The following IL1RAPL2 variants were observed in gnomAD, a reference collection of about 807,000 sequenced individuals.
IL1RAPL2 encodes the protein interleukin 1 receptor accessory protein like 2, also known as X-linked interleukin-1 receptor accessory protein-like 2.
A neutral mutation model predicts 44.1 loss-of-function variants in IL1RAPL2; 3 were observed. That is an observed-to-expected ratio of 0.07 (90% CI 0.03 to 0.18). The LOEUF is 0.18. Ranked by LOEUF, IL1RAPL2 falls within the 10% of genes least tolerant of loss-of-function variation. The pLI is 1.00. For missense variants in IL1RAPL2, 391 were observed against 496.4 expected (o/e 0.79, Z 2.02); for synonymous variants, 181 against 178.8 (o/e 1.01, Z -0.10).
intron 2 of IL1RAPL2, among the ~76,000 whole-genome samples, chrX:105,079,951 G>A (rs1392193891): frequency 8.9e-6 from 1 of 112,240 alleles, no homozygotes; most frequent in Non-Finnish European, 1.9e-5. Flanking sequence ...CTAATGACCA[G>A]TGATGATGAG....
chrX:104,661,261 A>G (rs1318705317), intron 2 of IL1RAPL2, among the ~76,000 whole-genome samples: 2 of 111,520 alleles, frequency 1.8e-5, no homozygotes, highest in African/African-American at 3.3e-5. Context: ...TGCCAGGACA[A>G]TAGCAATTGT....
At chrX:105,129,938 A>T (rs1229818643) in intron 2 of IL1RAPL2, among the ~76,000 whole-genome samples, 2 of 111,126 alleles carry the variant, frequency 1.8e-5, no homozygotes, top group East Asian at 5.7e-4. Flanking sequence ...TATTCAGCTT[A>T]ATCTTTCAAC....
At chrX:104,644,724 G>C (rs945424136) in intron 1 of IL1RAPL2, among the ~76,000 whole-genome samples, 5 of 110,829 alleles carry the variant, frequency 4.5e-5, no homozygotes, top group African/African-American at 1.6e-4. Flanking sequence ...AGTAAATTCA[G>C]TCTAATCATG....
chrX:105,367,546 A>G (rs2035304936), intron 5 of IL1RAPL2, among the ~76,000 whole-genome samples: 1 of 111,547 alleles, frequency 9.0e-6, no homozygotes, highest in Non-Finnish European at 1.9e-5. Flanking sequence ...CATGGGGCTT[A>G]TATAAATAAT....
intron 5 of IL1RAPL2, among the ~76,000 whole-genome samples, chrX:105,316,974 A>G (rs1376237660): frequency 1.8e-5 from 2 of 111,189 alleles, no homozygotes; most frequent in African/African-American, 6.5e-5. Flanking sequence ...TAAATTAGGA[A>G]TCACTAAAGG....
At chrX:104,720,545 C>T (rs5962977) in intron 2 of IL1RAPL2, among the ~76,000 whole-genome samples, 34,617 of 110,427 alleles carry the variant, frequency 0.31, 4,522 homozygotes, top group South Asian at 0.56. Context: ...TAAGCACCTC[C>T]AGCAATTGCT....
At chrX:105,075,053 C>T (rs1167592215) in intron 2 of IL1RAPL2, among the ~76,000 whole-genome samples, 3 of 111,309 alleles carry the variant, frequency 2.7e-5, no homozygotes, top group Non-Finnish European at 5.6e-5. Context: ...TGCCTGATTG[C>T]CCTGGCCAGA....
intron 6 of IL1RAPL2, among the ~76,000 whole-genome samples, chrX:105,507,750 T>A (rs1169215870): frequency 8.9e-6 from 1 of 112,011 alleles, no homozygotes; most frequent in Non-Finnish European, 1.9e-5. Context: ...TTAATTTTAA[T>A]TTATTTTGAT....
intron 6 of IL1RAPL2, among the ~76,000 whole-genome samples, chrX:105,679,864 CT>C: frequency 8.9e-6 from 1 of 111,904 alleles, no homozygotes. Flanking sequence ...TATGGACCTT[CT>C]TAAGTTTATT....
chrX:105,743,294 G>A (rs748463208), intron 8 of IL1RAPL2, among the ~76,000 whole-genome samples: 1 of 111,558 alleles, frequency 9.0e-6, no homozygotes, highest in East Asian at 2.9e-4. Flanking sequence ...TGTCCTATAA[G>A]GCACTACACA....
At chrX:105,633,032 T>C (rs1461945908) in intron 6 of IL1RAPL2, among the ~76,000 whole-genome samples, 1 of 111,735 alleles carries the variant, frequency 8.9e-6, no homozygotes, top group Middle Eastern at 4.2e-3. Flanking sequence ...TCCTCCCAGT[T>C]AGGGAAACTT....
At chrX:104,841,133 A>G (rs1921891831) in intron 2 of IL1RAPL2, among the ~76,000 whole-genome samples, 1 of 112,111 alleles carries the variant, frequency 8.9e-6, no homozygotes, top group African/African-American at 3.2e-5. Context: ...TGCCTTTACA[A>G]TTATGGAATG....
intron 1 of IL1RAPL2, among the ~76,000 whole-genome samples, chrX:104,569,704 G>C (rs1928108895): frequency 8.9e-6 from 1 of 112,735 alleles, no homozygotes; most frequent in Non-Finnish European, 1.9e-5. Context: ...GGCTTCCATA[G>C]TTTATTGAAG....
chrX:105,660,656 T>C (rs2037713274), intron 6 of IL1RAPL2, among the ~76,000 whole-genome samples: 1 of 111,647 alleles, frequency 9.0e-6, no homozygotes, highest in Admixed American at 9.5e-5. Context: ...GTAGAGTTTT[T>C]AGTAGTTTTC....
intron 2 of IL1RAPL2, among the ~76,000 whole-genome samples, chrX:104,965,775 A>G (rs1273825823): frequency 1.8e-5 from 2 of 112,141 alleles, no homozygotes; most frequent in African/African-American, 6.5e-5. Flanking sequence ...TGTATTTTAC[A>G]GAAATGAAAA....
intron 2 of IL1RAPL2, among the ~76,000 whole-genome samples, chrX:104,873,234 T>A (rs1399029193): frequency 9.0e-6 from 1 of 110,883 alleles, no homozygotes; most frequent in African/African-American, 3.3e-5. Flanking sequence ...AGGTAACTAT[T>A]ATTAATACAA....
chrX:105,673,104 C>T (rs974274067), intron 6 of IL1RAPL2, among the ~76,000 whole-genome samples: 4 of 110,417 alleles, frequency 3.6e-5, no homozygotes, highest in African/African-American at 6.6e-5. Context: ...AGTTGTACCT[C>T]GTGGGAAAAA....
At chrX:105,236,154 C>G (rs1450251388) in intron 4 of IL1RAPL2, among the ~76,000 whole-genome samples, 2 of 112,258 alleles carry the variant, frequency 1.8e-5, no homozygotes, top group African/African-American at 6.5e-5. Context: ...AGATAATCAA[C>G]TTTCCCTTAT....
At chrX:104,770,593 AC>A (rs1193313958) in intron 2 of IL1RAPL2, among the ~76,000 whole-genome samples, 2 of 112,124 alleles carry the variant, frequency 1.8e-5, no homozygotes, top group Non-Finnish European at 3.8e-5. Flanking sequence ...GATTTAGAGA[AC>A]TTAACTAATT....
Sources: gnomAD v4.1 joint callset for allele counts (sites outside exome capture counted in the v4.1 genomes callset) on GRCh38, gnomAD v4.1.1 for gene constraint, MANE v1.5 for transcripts, NCBI Gene and HGNC (gene_info 2026-07-23, HGNC 2026-07-21) for gene names.